SRPK2: variants seen among roughly 807,000 people sequenced by gnomAD.
SRPK2 encodes the protein SRSF protein kinase 2, also known as SFRS protein kinase 2.
Under a neutral mutation model 90.8 loss-of-function variants are expected in SRPK2, and 21 were observed. The observed-to-expected ratio is 0.23, with a 90% CI of 0.16 to 0.33. SRPK2 has a LOEUF of 0.33. Ranked by LOEUF, SRPK2 falls within the 10% of genes least tolerant of loss-of-function variation. The pLI is 1.00. For synonymous variants in SRPK2, 288 were observed against 311.1 expected, an observed-to-expected ratio of 0.93 and a Z score of 0.78; for missense variants, 620 against 869.0, an observed-to-expected ratio of 0.71 and a Z score of 3.60.
At chr7:105,184,180 T>C (rs1239202474) in intron 3 of SRPK2, among the ~76,000 whole-genome samples, 2 of 151,582 alleles carry the variant, frequency 1.3e-5, no homozygotes. Context: ...GGTTTTACTA[T>C]GTTGGTCAGG....
chr7:105,373,940 T>C (rs1819995728), intron 2 of SRPK2, among the ~76,000 whole-genome samples: 1 of 152,154 alleles, frequency 6.6e-6, no homozygotes, highest in South Asian at 2.1e-4. Flanking sequence ...ACTTTCTTTC[T>C]TTTTTGAGAT....
At chr7:105,377,376 A>T (rs1042616139) in intron 2 of SRPK2, among the ~76,000 whole-genome samples, 3 of 152,104 alleles carry the variant, frequency 2.0e-5, no homozygotes, top group African/African-American at 7.2e-5. Flanking sequence ...CAGCTCTTAA[A>T]GGAATTTATA....
chr7:105,295,647 G>C (rs1446264451), intron 2 of SRPK2, among the ~76,000 whole-genome samples: 1 of 152,178 alleles, frequency 6.6e-6, no homozygotes, highest in African/African-American at 2.4e-5. Context: ...TGTTTAATGG[G>C]TACAGAGTTT....
At chr7:105,251,446 C>A (rs1290527134) in intron 2 of SRPK2, among the ~76,000 whole-genome samples, 2 of 152,112 alleles carry the variant, frequency 1.3e-5, no homozygotes, top group Non-Finnish European at 2.9e-5. Flanking sequence ...TCAAGCTATG[C>A]TCCTGCCTTG....
intron 2 of SRPK2, among the ~76,000 whole-genome samples, chr7:105,383,623 T>C (rs1821210219): frequency 6.9e-6 from 1 of 145,524 alleles, no homozygotes; most frequent in South Asian, 2.2e-4. Context: ...TTTCACCCTA[T>C]TGGCCAGGCT....
intron 2 of SRPK2, among the ~76,000 whole-genome samples, chr7:105,387,507 T>C (rs1821746514): frequency 7.3e-6 from 1 of 137,688 alleles, no homozygotes. Context: ...CTAATGGTTT[T>C]TTCTTTTTTT....
intron 2 of SRPK2, among the ~76,000 whole-genome samples, chr7:105,312,969 A>G (rs1380660511): frequency 6.6e-6 from 1 of 152,180 alleles, no homozygotes; most frequent in East Asian, 1.9e-4. Flanking sequence ...TATTCCAGAA[A>G]TGAATAAATA....
intron 3 of SRPK2, among the ~76,000 whole-genome samples, chr7:105,177,098 T>C (rs895643999): frequency 1.3e-5 from 2 of 151,950 alleles, no homozygotes; most frequent in African/African-American, 4.8e-5. Context: ...TTCCAAAAAG[T>C]ACCTGGTAAT....
At chr7:105,346,948 GACTT>G (rs1378154181) in intron 2 of SRPK2, among the ~76,000 whole-genome samples, 2 of 151,244 alleles carry the variant, frequency 1.3e-5, no homozygotes, top group African/African-American at 4.9e-5. Context: ...GAAAATCAAG[GACTT>G]ACTAAACAGT....
At chr7:105,213,783 A>G (rs1797131063) in intron 2 of SRPK2, among the ~76,000 whole-genome samples, 1 of 152,202 alleles carries the variant, frequency 6.6e-6, no homozygotes, top group Non-Finnish European at 1.5e-5. Flanking sequence ...CTGTTTACTA[A>G]GACTTATATT....
intron 2 of SRPK2, among the ~76,000 whole-genome samples, chr7:105,275,798 G>A (rs1226727889): frequency 2.6e-5 from 4 of 152,152 alleles, no homozygotes; most frequent in African/African-American, 7.2e-5. Context: ...TAGAATCCTA[G>A]GAGTGAGGGG....
intron 13 of SRPK2, among the ~76,000 whole-genome samples, chr7:105,131,774 A>G (rs1802041047): frequency 6.6e-6 from 1 of 152,232 alleles, no homozygotes; most frequent in Non-Finnish European, 1.5e-5. Flanking sequence ...CAGTGAGAAG[A>G]AAAATGCTAA....
At chr7:105,254,485 T>A (rs1021024409) in intron 2 of SRPK2, among the ~76,000 whole-genome samples, 2 of 152,194 alleles carry the variant, frequency 1.3e-5, no homozygotes, top group African/African-American at 2.4e-5. Context: ...ATTATGTACA[T>A]CCATCCATAT....
At chr7:105,131,795 CA>C (rs1328394443) in intron 13 of SRPK2, among the ~76,000 whole-genome samples, 1 of 152,114 alleles carries the variant, frequency 6.6e-6, no homozygotes, top group Non-Finnish European at 1.5e-5. Flanking sequence ...GCCTTGCACA[CA>C]ATCTTTTCTT....
intron 3 of SRPK2, among the ~76,000 whole-genome samples, chr7:105,183,113 CTAGACAAAGAAAA>C (rs1379387683): frequency 6.6e-6 from 1 of 152,108 alleles, no homozygotes; most frequent in Non-Finnish European, 1.5e-5. Flanking sequence ...GAATCAAATT[CTAGACAAAGAAAA>C]TTATTTAAAT....
In SRPK2 at chr7:105,117,924, C is replaced by G. The variant is rs552200816; in HGVS notation, c.2014G>C (p.Asp672His). 6.4e-5 allele frequency: 103 copies of G among 1,614,182 alleles called. No individual in the cohort carries two copies. The highest frequency in any genetic ancestry group is 5.7e-4 in the Admixed American group (34 of 60,026). ...ATTTCTAACATCGGGATCAGGAAAT[C>G]TGTAAACTGTGCAGCATCTTCATGG... Reference protein sequence around the residue: ...WPHEDAAQFTDFLIPMLEMVP... With the variant: ...WPHEDAAQFTHFLIPMLEMVP... The change falls in exon 16 of 16, where the codon GAT (aspartate) becomes CAT (histidine). Residue 672 changes from aspartate (D) to histidine (H), a missense_variant. Transcript: ENST00000393651.
intron 2 of SRPK2, among the ~76,000 whole-genome samples, chr7:105,288,198 TA>T (rs1808425875): frequency 6.6e-6 from 1 of 152,222 alleles, no homozygotes; most frequent in Non-Finnish European, 1.5e-5. Context: ...GTTAAAAACT[TA>T]AATTCAGTCT....
At chr7:105,252,135 T>A (rs1474551132) in intron 2 of SRPK2, among the ~76,000 whole-genome samples, 7 of 152,228 alleles carry the variant, frequency 4.6e-5, no homozygotes, top group Non-Finnish European at 1.0e-4. Flanking sequence ...CCTTAAATGA[T>A]GACAGAAAAT....
chr7:105,258,247 T>C (rs1387366428), intron 2 of SRPK2, among the ~76,000 whole-genome samples: 1 of 150,280 alleles, frequency 6.7e-6, no homozygotes, highest in African/African-American at 2.5e-5. Context: ...TGAAGCCCCA[T>C]CTCTACTAAA....
Sources: gnomAD v4.1 joint callset for allele counts (sites outside exome capture counted in the v4.1 genomes callset) on GRCh38, gnomAD v4.1.1 for gene constraint, MANE v1.5 for transcripts, NCBI Gene and HGNC (gene_info 2026-07-23, HGNC 2026-07-21) for gene names.